CCNB3: variants seen among roughly 807,000 people sequenced by gnomAD.
CCNB3 encodes G2/mitotic-specific cyclin-B3.
Under a neutral mutation model 68.0 loss-of-function variants are expected in CCNB3, and 12 were observed. That is an observed-to-expected ratio of 0.18 (90% CI 0.11 to 0.29). The LOEUF (loss-of-function observed/expected upper bound fraction) is 0.29, where lower values mean the gene tolerates loss of function less well. CCNB3 is among the 10% of genes least tolerant of loss of function. CCNB3 has a pLI of 1.00. For missense variants in CCNB3, 904 were observed against 993.1 expected (o/e 0.91, Z 1.21); for synonymous variants, 354 against 388.9 (o/e 0.91, Z 1.06).
chrX:50,212,486 T>C (rs1935499081), intron 1 of CCNB3, among the ~76,000 whole-genome samples: 1 of 112,144 alleles, frequency 8.9e-6, no homozygotes, highest in Non-Finnish European at 1.9e-5. Flanking sequence ...GCTACTATGT[T>C]ATTTTTTATA....
intron 11 of CCNB3, among the ~76,000 whole-genome samples, chrX:50,348,098 G>T (rs1351456476): frequency 9.0e-6 from 1 of 111,321 alleles, no homozygotes; most frequent in Non-Finnish European, 1.9e-5. Flanking sequence ...CCCCAGCCCT[G>T]TTCCCCTCTT....
rs782352128 is a variant in CCNB3 at position 50,288,833 on chromosome X, A to G, written c.150A>G (p.Pro50=). The change falls in exon 4 of 13, where the codon CCA becomes CCG. Residue 50 remains proline (P), a synonymous_variant. Coordinates refer to ENST00000376042, the MANE Select transcript of CCNB3 (RefSeq NM_033031.3). ...CTCCATCTTCACTTCAGGAGTCTCC[A>G]TCTTCACTTCAGGGAGCACTCAAAA... is the stretch of plus-strand genomic sequence containing the variant. ...KISPSSLQES[P]SSLQGALKKR... is the part of the protein sequence containing the mutation. 3 of 1,208,853 alleles carry G rather than the reference A, an allele frequency of 2.5e-6. No individual in the cohort carries two copies. The South Asian group carries it at 5.3e-5, about 21-fold the overall frequency.
At chrX:50,279,178 T>C (rs1237775060) in intron 1 of CCNB3, among the ~76,000 whole-genome samples, 1 of 274 alleles carries the variant, frequency 3.6e-3, no homozygotes, top group Non-Finnish European at 0.023. Flanking sequence ...TATATATGAA[T>C]ATAATATATT....
chrX:50,293,945 A>G (rs1569542483), intron 4 of CCNB3, among the ~76,000 whole-genome samples: 1 of 111,040 alleles, frequency 9.0e-6, no homozygotes, highest in African/African-American at 3.3e-5. Flanking sequence ...TAATTTTTAA[A>G]ACTTTTTTGA....
chrX:50,278,991 A>G (rs1488542751), intron 1 of CCNB3, among the ~76,000 whole-genome samples: 1 of 38,140 alleles, frequency 2.6e-5, no homozygotes, highest in African/African-American at 1.2e-4. Flanking sequence ...AGTATATATA[A>G]ATACATATAG....
chrX:50,350,248 TAC>T (rs35500925), intron 11 of CCNB3, among the ~76,000 whole-genome samples: 4,887 of 94,634 alleles, frequency 0.052, 206 homozygotes, highest in African/African-American at 0.14. Flanking sequence ...CATACACAAA[TAC>T]ACACACACAC....
intron 3 of CCNB3, among the ~76,000 whole-genome samples, chrX:50,288,278 A>G (rs1299722340): frequency 9.0e-6 from 1 of 110,612 alleles, no homozygotes; most frequent in Non-Finnish European, 1.9e-5. Context: ...CCGCTGTTTT[A>G]AAAGCTGCTT....
chrX:50,303,708 T>C (rs2147051995), intron 5 of CCNB3, among the ~76,000 whole-genome samples: 1 of 111,311 alleles, frequency 9.0e-6, no homozygotes, highest in South Asian at 3.8e-4. Context: ...TGTTGAGTTG[T>C]AAGAGTTCTT....
chrX:50,315,639 C>T (rs1245623404), intron 8 of CCNB3, among the ~76,000 whole-genome samples: 1 of 111,325 alleles, frequency 9.0e-6, no homozygotes, highest in Admixed American at 9.6e-5. Context: ...TATTTGATCA[C>T]ATTTGTAAAT....
At chrX:50,339,188 A>G (rs1026823641) in intron 8 of CCNB3, among the ~76,000 whole-genome samples, 1 of 112,391 alleles carries the variant, frequency 8.9e-6, no homozygotes, top group African/African-American at 3.2e-5. Flanking sequence ...CATGTGCCCA[A>G]GGTAGTCAGG....
chrX:50,219,383 C>T (rs1164914046), intron 1 of CCNB3, among the ~76,000 whole-genome samples: 7 of 111,183 alleles, frequency 6.3e-5, no homozygotes, highest in Non-Finnish European at 9.4e-5. Flanking sequence ...AGGTTTTCTT[C>T]GGGGGTTTTT....
At chrX:50,287,988 A>T (rs546622355) in intron 3 of CCNB3, among the ~76,000 whole-genome samples, 2 of 108,341 alleles carry the variant, frequency 1.8e-5, no homozygotes, top group South Asian at 8.2e-4. Flanking sequence ...CGAGGGATCA[A>T]GGTTGCGCGC....
chrX:50,307,682 T>G (rs374372588), intron 5 of CCNB3, among the ~76,000 whole-genome samples: 306 of 110,816 alleles, frequency 2.8e-3, no homozygotes, highest in African/African-American at 9.4e-3. Context: ...TAATCCCCCT[T>G]TCTACTCCTA....
chrX:50,319,293 A>G (rs922336388), intron 8 of CCNB3, among the ~76,000 whole-genome samples: 1 of 111,219 alleles, frequency 9.0e-6, no homozygotes, highest in Non-Finnish European at 1.9e-5. Context: ...CTCTCCATTT[A>G]TTTAAATTTT....
At chrX:50,335,477 G>A (rs1288887382) in intron 8 of CCNB3, among the ~76,000 whole-genome samples, 1 of 111,438 alleles carries the variant, frequency 9.0e-6, no homozygotes, top group Non-Finnish European at 1.9e-5. Context: ...AGGAAGGGGA[G>A]GTTCCATGGA....
chrX:50,227,955 A>C (rs1186559321), intron 1 of CCNB3, among the ~76,000 whole-genome samples: 1 of 86,577 alleles, frequency 1.2e-5, no homozygotes, highest in African/African-American at 4.4e-5. Context: ...TATAGAGAGA[A>C]TATATATATA....
rs1341398361 is a variant in CCNB3, at chrX:50,207,724, CTG to C, written c.-113+2776_-113+2777del. Reference sequence around the variant, plus strand: ...GAACTGATATACTTTATTAGCTACTCTGTTATTTTTTATAATAGCTTTGTTGA... The same window carrying C: ...GAACTGATATACTTTATTAGCTACTCTTATTTTTTATAATAGCTTTGTTGA... On this transcript the variant is annotated intron_variant, in intron 1 of 12. Transcript: ENST00000376042. Among the ~76,000 whole-genome samples the C allele has an allele frequency of 9.8e-5, 11 of 111,998 alleles. No homozygotes were observed. The South Asian group carries it at 1.1e-3, about 11-fold the overall frequency.
chrX:50,312,513 G>A (rs1921516881), intron 6 of CCNB3, 24 bp from the exon 7 acceptor site: 1 of 1,110,695 alleles, frequency 9.0e-7, no homozygotes, highest in African/African-American at 1.8e-5. Context: ...CTCATAATAT[G>A]TCTTTTTGGT....
At chrX:50,228,576 GAATA>G (rs1935973588) in intron 1 of CCNB3, among the ~76,000 whole-genome samples, 1 of 78,615 alleles carries the variant, frequency 1.3e-5, no homozygotes, top group Non-Finnish European at 2.3e-5. Flanking sequence ...ATAATATATA[GAATA>G]TATATAGAAT....
Sources: allele counts gnomAD v4.1 joint callset (sites outside exome capture counted in the v4.1 genomes callset), GRCh38; gene constraint gnomAD v4.1.1; transcripts MANE v1.5; gene names NCBI Gene and HGNC (gene_info 2026-07-23, HGNC 2026-07-21).